Variants in URI1 observed in about 807,000 individuals in gnomAD.
The protein encoded by URI1 is URI1 prefoldin like chaperone, also known as unconventional prefoldin RPB5 interactor 1.
URI1 carries 39 observed loss-of-function variants against 60.2 expected under a neutral mutation model. The ratio of observed to expected loss-of-function variants is 0.65; its 90% CI spans 0.50 to 0.85. URI1 has a LOEUF of 0.85. Ranked by LOEUF, URI1 falls within the 40% of genes least tolerant of loss-of-function variation. The pLI, the probability that URI1 is intolerant of heterozygous loss-of-function variation, is 0.00. For missense variants in URI1, 691 were observed against 665.9 expected (o/e 1.04, Z -0.42); for synonymous variants, 251 against 236.8 (o/e 1.06, Z -0.55).
chr19:29,937,046 C>G (rs2054979571), intron 1 of URI1, among the ~76,000 whole-genome samples: 1 of 152,166 alleles, frequency 6.6e-6, no homozygotes. Context: ...GCCACCATGG[C>G]CAGCCTATTT....
intron 4 of URI1, among the ~76,000 whole-genome samples, chr19:29,999,602 TTC>T (rs1467116885): frequency 1.3e-5 from 2 of 152,224 alleles, no homozygotes; most frequent in East Asian, 3.9e-4. Flanking sequence ...GCTTTCAAGA[TTC>T]TCTCTTTGTT....
At chr19:29,980,793 G>A (rs964332666) in intron 2 of URI1, among the ~76,000 whole-genome samples, 17 of 150,964 alleles carry the variant, frequency 1.1e-4, no homozygotes, top group Admixed American at 2.6e-4. Flanking sequence ...GCGGTGGCGC[G>A]TGCCTATAAT....
chr19:30,003,047 G>A (rs1599720148), intron 4 of URI1, among the ~76,000 whole-genome samples: 1 of 151,954 alleles, frequency 6.6e-6, no homozygotes, highest in African/African-American at 2.4e-5. Context: ...AGTGAAAAAT[G>A]TAATAGCATG....
At chr19:29,944,157 A>C (rs1319440309) in intron 1 of URI1, among the ~76,000 whole-genome samples, 7 of 55,068 alleles carry the variant, frequency 1.3e-4, no homozygotes, top group African/African-American at 7.8e-4. Flanking sequence ...ATATATATAT[A>C]TATATATATA....
In URI1 at chr19:30,016,479, T is replaced by C. The variant is rs1489984966; in HGVS notation, c.*1410T>C. 6.6e-6 allele frequency: 1 copy of C among 152,158 alleles called. No homozygotes were observed. Among genetic ancestry groups the C allele is most frequent in the Non-Finnish European group, 1.5e-5 (1 of 67,986 alleles). 9.4% of individuals were successfully genotyped at this position (152,158 alleles called of 1,614,324 possible). ...CACACAAAGATGCTCCCGTTAGGAA[T>C]TGCTATTCACATGAGGCTTTCTGTG... On this transcript the variant is annotated 3_prime_UTR_variant, in exon 11 of 11. Transcript: ENST00000392271.
At position 29,928,307 on chromosome 19, in the gene URI1, A is replaced by G. The variant is rs2054887955; in HGVS notation, c.63+4553A>G. Among the ~76,000 whole-genome samples the G allele has an allele frequency of 2.0e-5, 3 of 152,140 alleles. No homozygotes were observed. In the South Asian group the frequency reaches 6.2e-4, roughly 32 times the overall value. ...GAAGCTTAAAAACTTCCCACCGCCC[A>G]GGTCACGCCCAAGCATTATTTTTCG... On this transcript the variant is annotated intron_variant, in intron 1 of 10. Transcript: ENST00000360605.
At chr19:30,008,610 G>T (rs954510444) in intron 7 of URI1, among the ~76,000 whole-genome samples, 3 of 151,926 alleles carry the variant, frequency 2.0e-5, no homozygotes, top group African/African-American at 4.8e-5. Context: ...CATGCTCATT[G>T]TAAAATATTC....
upstream of URI1, among the ~76,000 whole-genome samples, chr19:29,938,401 C>T (rs952051629): frequency 1.3e-5 from 2 of 152,158 alleles, no homozygotes; most frequent in African/African-American, 4.8e-5. Context: ...CTCATTACTG[C>T]AGAAGAGCAG....
At chr19:29,935,399 G>T (rs2054960147) in intron 1 of URI1, among the ~76,000 whole-genome samples, 1 of 151,906 alleles carries the variant, frequency 6.6e-6, no homozygotes. Context: ...TCATGCATTT[G>T]CCCTTTAAAT....
chr19:29,956,388 C>G, intron 1 of URI1: 2 of 1,367,674 alleles, frequency 1.5e-6, no homozygotes, highest in South Asian at 2.4e-5. Flanking sequence ...CATCTTCTTT[C>G]TGTAGCTGGA....
At chr19:29,972,172 T>C (rs1290275400) in intron 2 of URI1, among the ~76,000 whole-genome samples, 1 of 152,110 alleles carries the variant, frequency 6.6e-6, no homozygotes, top group Non-Finnish European at 1.5e-5. Flanking sequence ...GTGCAATCTG[T>C]ACACATCATC....
At chr19:29,941,729 TAAGAG>T (rs1040387385), upstream of URI1, among the ~76,000 whole-genome samples, 7 of 152,086 alleles carry the variant, frequency 4.6e-5, no homozygotes, top group East Asian at 1.9e-4. Context: ...TTAATTTATA[TAAGAG>T]AAAATACAAT....
rs138314383 is a variant in URI1, at chr19:30,015,210, G to A, written c.*141G>A. On this transcript the variant is annotated 3_prime_UTR_variant, in exon 11 of 11. Coordinates refer to ENST00000392271, the MANE Select transcript of URI1 (RefSeq NM_003796.3). ...GCAACAAGTTCTTTTACCCTTACCCGTGGTATTTGAAAAAAATCAAGGTAA... is the reference window on the plus strand; with the variant it reads ...GCAACAAGTTCTTTTACCCTTACCCATGGTATTTGAAAAAAATCAAGGTAA... The A allele has an allele frequency of 2.4e-4, 344 of 1,421,120 alleles. 2 individuals carry two copies. In the African/African-American group the frequency reaches 4.3e-3, roughly 18 times the overall value. 88.0% of individuals were successfully genotyped at this position (1,421,120 alleles called of 1,614,324 possible).
At chr19:29,956,353 C>G (rs1384260452) in intron 1 of URI1, 3 of 823,702 alleles carry the variant, frequency 3.6e-6, no homozygotes, top group Non-Finnish European at 3.6e-6. Flanking sequence ...TGAAATATCA[C>G]AAGTATGTCT....
rs1399496742 is a variant in URI1 at position 29,989,215 on chromosome 19, A to G, written c.367+2798A>G. Among the ~76,000 whole-genome samples the G allele has an allele frequency of 7.3e-5, 11 of 150,790 alleles. No individual in the cohort carries two copies. The East Asian group carries it at 1.6e-3, about 21-fold the overall frequency. ...AACCTTAGCCTCCGAGGTTCGAGCAATTCTCCTGCCTCAGCCTCCTGAGTA... is the reference window on the plus strand; with the variant it reads ...AACCTTAGCCTCCGAGGTTCGAGCAGTTCTCCTGCCTCAGCCTCCTGAGTA... On this transcript the variant is annotated intron_variant, in intron 4 of 10. Coordinates refer to ENST00000392271, the MANE Select transcript of URI1 (RefSeq NM_003796.3).
upstream of URI1, among the ~76,000 whole-genome samples, chr19:29,937,468 T>C (rs985262046): frequency 2.6e-5 from 4 of 152,200 alleles, no homozygotes; most frequent in African/African-American, 9.6e-5. Context: ...GCATTTTGGG[T>C]ATTATTGTAG....
At position 30,005,727 on chromosome 19, in the gene URI1, T is replaced by C; in HGVS notation, c.517+19T>C. On this transcript the variant is annotated intron_variant, in intron 6 of 10. Transcript: ENST00000392271. ...TTTAAAGGTAAGCAGTAAGATTGTTTTATGTGTAGCTGTTTAGATATTTTG... is the reference window on the plus strand; with the variant it reads ...TTTAAAGGTAAGCAGTAAGATTGTTCTATGTGTAGCTGTTTAGATATTTTG... 2 of 1,604,596 alleles carry C rather than the reference T, an allele frequency of 1.2e-6. No homozygotes were observed. Among genetic ancestry groups the C allele is most frequent in the Admixed American group, 1.7e-5 (1 of 58,896 alleles).
Position 30,015,617 on chromosome 19 carries a change from A to C in URI1, c.*548A>C, listed in dbSNP as rs2056076723. The C allele has an allele frequency of 5.3e-6, 8 of 1,510,778 alleles. No homozygotes were observed. The highest frequency in any genetic ancestry group is 7.1e-6 in the Non-Finnish European group (8 of 1,131,688). The allele number at this position is 1,510,778 out of a possible 1,614,324, so 93.6% of individuals were successfully genotyped here. ...ATCTTTAAGGAAGAAAGCTACATGAATTAATTGTACTCTATGGGAAAATTT... is the reference window on the plus strand; with the variant it reads ...ATCTTTAAGGAAGAAAGCTACATGACTTAATTGTACTCTATGGGAAAATTT... On this transcript the variant is annotated 3_prime_UTR_variant, in exon 11 of 11. Transcript: ENST00000392271.
At chr19:29,929,625 T>A (rs1227832966) in intron 1 of URI1, among the ~76,000 whole-genome samples, 4 of 151,836 alleles carry the variant, frequency 2.6e-5, no homozygotes, top group Non-Finnish European at 4.4e-5. Context: ...AATAAAAAAA[T>A]AAAAAATAAT....
Sources: allele counts gnomAD v4.1 joint callset (sites outside exome capture counted in the v4.1 genomes callset), GRCh38; gene constraint gnomAD v4.1.1; transcripts MANE v1.5; gene names NCBI Gene and HGNC (gene_info 2026-07-23, HGNC 2026-07-21).